ARHGEF40: variants seen among roughly 807,000 people sequenced by gnomAD.
The protein encoded by ARHGEF40 is Rho guanine nucleotide exchange factor 40, also known as Rho guanine nucleotide exchange factor (GEF) 40.
Under a neutral mutation model 165.9 loss-of-function variants are expected in ARHGEF40, and 98 were observed. The ratio of observed to expected loss-of-function variants is 0.59; its 90% CI spans 0.50 to 0.70. The LOEUF (loss-of-function observed/expected upper bound fraction) is 0.70. Among genes scored for constraint, ARHGEF40 ranks in the 30% least tolerant of loss-of-function variants. ARHGEF40 has a pLI of 0.00. For synonymous variants in ARHGEF40, 792 were observed against 814.3 expected (o/e 0.97, Z 0.47); for missense variants, 1,815 against 1,968.0 (o/e 0.92, Z 1.47).
Position 21,078,264 on chromosome 14 carries a change from G to T in ARHGEF40, c.2122G>T (p.Glu708Ter), listed in dbSNP as rs1440826652. The change falls in exon 9 of 24, where the codon GAG (glutamate) becomes TAG (stop). Residue 708 changes from glutamate to a stop codon, truncating the protein, a stop_gained. Coordinates refer to ENST00000298694, the MANE Select transcript of ARHGEF40 (RefSeq NM_018071.5). LOFTEE classifies it high-confidence loss of function. Reference protein sequence around the residue: ...IEELEGAAEPEEEEAVGMPKP... With the variant: ...IEELEGAAEP Reference sequence around the variant, plus strand: ...GGAGCTGGAGGGAGCAGCAGAGCCAGAGGAAGAGGTATGAAATGAGATGGG... The same window carrying T: ...GGAGCTGGAGGGAGCAGCAGAGCCATAGGAAGAGGTATGAAATGAGATGGG... 6.2e-7 allele frequency: 1 copy of T among 1,613,936 alleles called. No individual in the cohort carries two copies. The highest frequency in any genetic ancestry group is 1.1e-5 in the South Asian group (1 of 91,060).
Position 21,078,435 on chromosome 14 carries a change from G to T in ARHGEF40, c.2193G>T (p.Leu731=). Residue 731 remains leucine, a synonymous_variant, in exon 10 of 24, where the codon CTG becomes CTT. Coordinates refer to ENST00000298694, the MANE Select transcript of ARHGEF40 (RefSeq NM_018071.5). The part of the protein sequence containing the change: ...KVLADPRLTA[L]QRDGGAILMR... ...TGGCAGATCCCCGGCTGACGGCACT[G>T]CAGAGGGATGGGGGGGCCATCCTGA... 1 of 1,611,014 alleles carries T rather than the reference G, an allele frequency of 6.2e-7. No homozygotes were observed. Among genetic ancestry groups the T allele is most frequent in the South Asian group, 1.1e-5 (1 of 90,606 alleles).
rs1887259455 is a variant in ARHGEF40 at position 21,074,688 on chromosome 14, C to T, written c.958C>T (p.Pro320Ser). ...CACCGGAGCCTCCCCTGAGTCTCCC[C>T]CAGGAGCTGAGGCTGTCCCAGAGGC... ...SSTGASPESP[P>S]GAEAVPEAAV... The change falls in exon 3 of 24, where the codon CCA (proline) becomes TCA (serine). Residue 320 changes from proline to serine, a missense_variant. By Grantham distance (74) the Pro-to-Ser change is moderately conservative. Transcript: ENST00000298694. The surrounding 1 kb of genome is among the most constrained non-coding windows in gnomAD (Gnocchi z 4.8). The T allele has an allele frequency of 1.3e-6, 2 of 1,582,288 alleles. No homozygotes were observed. The highest frequency in any genetic ancestry group is 1.7e-6 in the Non-Finnish European group (2 of 1,165,418).
At position 21,087,457 on chromosome 14, in the gene ARHGEF40, T is replaced by A; in HGVS notation, c.4381T>A (p.Ser1461Thr). ...CTGGGATCTGGACGTCAAGCAAATT[T>A]CCCTGGGTGAGGCACCTCTCAAGGG... The part of the protein sequence containing the change: ...EAWDLDVKQI[S>T]LAPETLDSSG... The change falls in exon 21 of 24, where the codon TCC becomes ACC. Residue 1461 changes from serine to threonine, a missense_variant. Ser to Thr is a moderately conservative substitution (Grantham distance 58). Transcript: ENST00000298694. 1.2e-6 allele frequency: 2 copies of A among 1,600,596 alleles called. No individual in the cohort carries two copies. Among genetic ancestry groups the A allele is most frequent in the Non-Finnish European group, 8.5e-7 (1 of 1,179,894 alleles).
chr14:21,081,860 C>G lies in ARHGEF40; in HGVS notation c.2992C>G (p.Pro998Ala). The change falls in exon 14 of 24, where the codon CCT becomes GCT. Residue 998 changes from proline (P) to alanine (A), a missense_variant. Coordinates refer to ENST00000298694, the MANE Select transcript of ARHGEF40 (RefSeq NM_018071.5). ...SLSSLLLPSSPGPRPAPSHCS... is the reference protein window; with the variant it reads ...SLSSLLLPSSAGPRPAPSHCS... The stretch of plus-strand genomic sequence containing the variant: ...CAGCTCCTTGCTGCTCCCCAGCAGC[C>G]CTGGGCCACGGCCAGCCCCATCCCA... 2 of 1,612,628 alleles carry G rather than the reference C, an allele frequency of 1.2e-6. No homozygotes were observed. Among genetic ancestry groups the G allele is most frequent in the South Asian group, 2.2e-5 (2 of 90,960 alleles).
At chr14:21,078,788 G>A (rs983202078) in intron 10 of ARHGEF40, 96 bp from the exon 11 acceptor site, 16 of 1,521,104 alleles carry the variant, frequency 1.1e-5, no homozygotes, top group Non-Finnish European at 1.4e-5. Context: ...ATGCTGCTAT[G>A]CAACCTCTCA....
rs574697341 is a variant in ARHGEF40 at position 21,070,587 on chromosome 14, G to C, written c.3+188G>C. On this transcript the variant is annotated intron_variant, in intron 1 of 23. Coordinates refer to ENST00000298694, the MANE Select transcript of ARHGEF40 (RefSeq NM_018071.5). The surrounding 1 kb of genome is among the most constrained non-coding windows in gnomAD (Gnocchi z 4.7). ...CCGACTGTTTAGCTCTGTCCCCACC[G>C]GGTATTGCCCTCACCCTTTCTTCCT... is the stretch of plus-strand genomic sequence containing the variant. 9.4e-4 allele frequency among the ~76,000 whole-genome samples: 142 copies of C among 151,610 alleles called. No homozygotes were observed. Among genetic ancestry groups the C allele is most frequent in the African/African-American group, 3.3e-3 (138 of 41,252 alleles).
intron 9 of ARHGEF40, 38 bp downstream of exon 9, chr14:21,078,310 G>A: frequency 3.1e-6 from 5 of 1,607,958 alleles, no homozygotes; most frequent in Non-Finnish European, 4.2e-6. Context: ...GATGGGATTG[G>A]GATGGGGCTG....
chr14:21,080,897 G>T lies in ARHGEF40; in HGVS notation c.2521G>T (p.Ala841Ser). The T allele has an allele frequency of 6.2e-7, 1 of 1,614,114 alleles. No individual in the cohort carries two copies. The highest frequency in any genetic ancestry group is 8.5e-7 in the Non-Finnish European group (1 of 1,179,988). The stretch of plus-strand genomic sequence containing the variant: ...GGAGCGCCTGGCCCAGGCACGGGAG[G>T]CCCTGGCTCTGGAGGAGAATGCCAC... The part of the protein sequence containing the change: ...VQERLAQARE[A>S]LALEENATSQ... The change falls in exon 13 of 24, where the codon GCC (alanine) becomes TCC (serine). Residue 841 changes from alanine (A) to serine (S), a missense_variant. By Grantham distance (99) the Ala-to-Ser change is moderately conservative. Coordinates refer to ENST00000298694, the MANE Select transcript of ARHGEF40 (RefSeq NM_018071.5).
intron 13 of ARHGEF40, 116 bp downstream of exon 13, chr14:21,081,132 G>T: frequency 6.7e-7 from 1 of 1,487,374 alleles, no homozygotes; most frequent in East Asian, 2.3e-5. Context: ...CATCTCCTAG[G>T]TTTTTGCTCT....
Position 21,082,094 on chromosome 14 carries a change from C to CCCA in ARHGEF40, c.3226_3227insCCA (p.Pro1075dup). The stretch of plus-strand genomic sequence containing the variant: ...CGGACCCTGGGGAGTAGGCACCCCC[C>CCCA]GGATGGAGCGCAAGCGAAGCATCAG... On this transcript the variant is annotated inframe_insertion, in exon 14 of 24. Transcript: ENST00000298694. 3 of 1,561,624 alleles carry CCCA rather than the reference C, an allele frequency of 1.9e-6. No individual in the cohort carries two copies. Among genetic ancestry groups the CCCA allele is most frequent in the Non-Finnish European group, 1.7e-6 (2 of 1,153,020 alleles).
At chr14:21,085,912 A>C in intron 19 of ARHGEF40, 46 bp downstream of exon 19, 1 of 1,603,278 alleles carries the variant, frequency 6.2e-7, no homozygotes, top group South Asian at 1.1e-5. Flanking sequence ...TCAGGGTTAT[A>C]GCAGGAAGTT....
chr14:21,081,327 C>A, intron 13 of ARHGEF40, 182 bp from the exon 14 acceptor site: 1 of 898,486 alleles, frequency 1.1e-6, no homozygotes. Context: ...TAGGCTCTTC[C>A]ATCTCCATAC....
chr14:21,070,812 G>C lies in ARHGEF40; in HGVS notation c.3+413G>C. 2 of 1,535,584 alleles carry C rather than the reference G, an allele frequency of 1.3e-6. No individual in the cohort carries two copies. Among genetic ancestry groups the C allele is most frequent in the South Asian group, 1.2e-5 (1 of 84,060 alleles). The stretch of plus-strand genomic sequence containing the variant: ...ACCCTGGAAGAGGCCCGGCCCCTCG[G>C]GTCATGAGAACTGACCTGCATGGAA... On this transcript the variant is annotated intron_variant, in intron 1 of 23. Coordinates refer to ENST00000298694, the MANE Select transcript of ARHGEF40 (RefSeq NM_018071.5). The surrounding 1 kb of genome is among the most constrained non-coding windows in gnomAD (Gnocchi z 4.7).
At chr14:21,084,073 T>C in intron 17 of ARHGEF40, 23 bp downstream of exon 17, 2 of 1,577,966 alleles carry the variant, frequency 1.3e-6, no homozygotes, top group Non-Finnish European at 1.7e-6. Context: ...CTCCAGTCAC[T>C]GCTGCTCAAA....
intron 5 of ARHGEF40, among the ~76,000 whole-genome samples, chr14:21,076,043 C>T (rs1455362837): frequency 1.3e-5 from 2 of 152,198 alleles, no homozygotes; most frequent in Admixed American, 6.5e-5. Context: ...ATTTATTGAG[C>T]ACTGAGTACC....
chr14:21,081,636 G>A lies in ARHGEF40; in HGVS notation c.2768G>A (p.Arg923Gln), dbSNP rs1400372306. 8.7e-6 allele frequency: 14 copies of A among 1,609,374 alleles called. No homozygotes were observed. Among genetic ancestry groups the A allele is most frequent in the East Asian group, 6.7e-5 (3 of 44,806 alleles). Residue 923 changes from arginine to glutamine, a missense_variant, in exon 14 of 24, where the codon CGG (arginine) becomes CAG (glutamine). Coordinates refer to ENST00000298694, the MANE Select transcript of ARHGEF40 (RefSeq NM_018071.5). The stretch of plus-strand genomic sequence containing the variant: ...AGTGCCGGCACCTTCCAGGAGATGC[G>A]GGCCCTGGCCCTGGACCTGGGCAGC... ...EPSAGTFQEMRALALDLGSPA... is the reference protein window; with the variant it reads ...EPSAGTFQEMQALALDLGSPA...
rs1346570135 is a variant in ARHGEF40, at chr14:21,074,626, G to C, written c.896G>C (p.Gly299Ala). ...CACCAGAAGGGCCTGGGGCCTCGGG[G>C]CCAGGATGGAGCACGCCCACCCGGC... ...WMHQKGLGPR[G>A]QDGARPPGEG... Residue 299 changes from glycine (G) to alanine (A), a missense_variant, in exon 3 of 24, where the codon GGC becomes GCC. Coordinates refer to ENST00000298694, the MANE Select transcript of ARHGEF40 (RefSeq NM_018071.5). This position sits in a 1 kb window ranked among gnomAD's most constrained non-coding sequence, Gnocchi z 4.8. The C allele has an allele frequency of 6.4e-7, 1 of 1,568,134 alleles. No individual in the cohort carries two copies. The highest frequency in any genetic ancestry group is 1.8e-4 in the Middle Eastern group (1 of 5,594).
rs780279467 is a variant in ARHGEF40, at chr14:21,074,253, C to T, written c.523C>T (p.Arg175Trp). 4.3e-6 allele frequency: 7 copies of T among 1,613,962 alleles called. No homozygotes were observed. Among genetic ancestry groups the T allele is most frequent in the Admixed American group, 3.3e-5 (2 of 60,006 alleles). The change falls in exon 3 of 24, where the codon CGG becomes TGG. Residue 175 changes from arginine to tryptophan, a missense_variant. Arg to Trp is a moderately radical substitution (Grantham distance 101). Transcript: ENST00000298694. The surrounding 1 kb of genome is among the most constrained non-coding windows in gnomAD (Gnocchi z 4.8). ...ACTGTCTGCGCCCTCTGGGATTCAG[C>T]GGCTGCCCTGGGCTGAGCTCATCTG... ...CLLSAPSGIQ[R>W]LPWAELICPR...
At chr14:21,088,749 G>C (rs898319398) in intron 22 of ARHGEF40, 81 bp from the exon 23 acceptor site, 2 of 1,442,086 alleles carry the variant, frequency 1.4e-6, no homozygotes, top group African/African-American at 2.8e-5. Context: ...GAATTGACAG[G>C]CTTGTGGGGA....
Sources: allele counts gnomAD v4.1 joint callset (sites outside exome capture counted in the v4.1 genomes callset), GRCh38; gene constraint gnomAD v4.1.1; non-coding constraint Gnocchi (gnomAD v3.1); transcripts MANE v1.5; gene names NCBI Gene and HGNC (gene_info 2026-07-23, HGNC 2026-07-21).